The following CENPI variants were observed in gnomAD, a reference collection of about 807,000 sequenced individuals.
The protein encoded by CENPI is FSH primary response 1.
Under a neutral mutation model 60.4 loss-of-function variants are expected in CENPI, and 4 were observed. The observed-to-expected ratio is 0.07, with a 90% CI of 0.03 to 0.15. The LOEUF is 0.15. CENPI is among the 10% of genes least tolerant of loss of function. The pLI, the probability that CENPI is intolerant of heterozygous loss-of-function variation, is 1.00. For synonymous variants in CENPI, 157 were observed against 189.4 expected (o/e 0.83, Z 1.40); for missense variants, 444 against 534.5 (o/e 0.83, Z 1.67).
intron 20 of CENPI, among the ~76,000 whole-genome samples, chrX:101,148,540 C>G (rs1440300583): frequency 8.9e-6 from 1 of 111,932 alleles, no homozygotes; most frequent in Non-Finnish European, 1.9e-5. Context: ...TCCTTCTAGA[C>G]AAGATAGAAT....
intron 4 of CENPI, 83 bp downstream of exon 4, chrX:101,102,494 T>TACACACACACAC (rs199833748): frequency 2.3e-5 from 7 of 298,599 alleles, no homozygotes; most frequent in African/African-American, 2.2e-4. Flanking sequence ...CTTATATATA[T>TACACACACACAC]ATACACACAC....
chrX:101,129,384 A>G (rs1267001682), intron 12 of CENPI, among the ~76,000 whole-genome samples: 1 of 109,102 alleles, frequency 9.2e-6, no homozygotes. Flanking sequence ...CATTCCTCCA[A>G]TGGTGGGGGT....
intron 5 of CENPI, 85 bp downstream of exon 5, chrX:101,109,676 T>C (rs2089530971): frequency 2.9e-6 from 2 of 698,441 alleles, no homozygotes; most frequent in Non-Finnish European, 4.5e-6. Context: ...AGTAATGGCA[T>C]TGGCCTTTTG....
chrX:101,150,480 C>T (rs1487666086), intron 20 of CENPI, among the ~76,000 whole-genome samples: 1 of 109,895 alleles, frequency 9.1e-6, no homozygotes, highest in Non-Finnish European at 1.9e-5. Flanking sequence ...AAGTGATCCT[C>T]CCATCTCTGC....
downstream of CENPI, among the ~76,000 whole-genome samples, chrX:101,170,818 GAC>G (rs2090155176): frequency 9.1e-6 from 1 of 110,402 alleles, no homozygotes; most frequent in African/African-American, 3.3e-5. Flanking sequence ...TTTTTGTAGA[GAC>G]AGGGTTTTGC....
intron 4 of CENPI, among the ~76,000 whole-genome samples, chrX:101,105,783 T>C (rs1234436541): frequency 9.0e-6 from 1 of 111,685 alleles, no homozygotes; most frequent in African/African-American, 3.3e-5. Context: ...TATCTTGATG[T>C]CTGCTAGGAC....
At chrX:101,159,057 G>C (rs1031793768) in intron 20 of CENPI, among the ~76,000 whole-genome samples, 3 of 111,950 alleles carry the variant, frequency 2.7e-5, no homozygotes, top group Non-Finnish European at 5.6e-5. Context: ...TGATTTGTAT[G>C]AAAGGGGTAG....
intron 6 of CENPI, among the ~76,000 whole-genome samples, chrX:101,114,221 C>T (rs972844172): frequency 1.8e-5 from 2 of 112,253 alleles, no homozygotes; most frequent in African/African-American, 6.5e-5. Context: ...TGCGCCACTG[C>T]ACTTTCCAGC....
At chrX:101,126,934 G>GT (rs139431599) in intron 9 of CENPI, 136 bp downstream of exon 9, 44,495 of 631,846 alleles carry the variant, frequency 0.07, 1,127 homozygotes, top group Middle Eastern at 0.12. Context: ...TTTTGGGAAA[G>GT]TTTTTTTTTA....
intron 15 of CENPI, among the ~76,000 whole-genome samples, chrX:101,139,925 C>T (rs1402644306): frequency 5.5e-5 from 6 of 108,194 alleles, no homozygotes; most frequent in African/African-American, 1.7e-4. Context: ...AGCTCCTTCT[C>T]CTGGGTTCAC....
At chrX:101,104,914 A>G (rs1451524556) in intron 4 of CENPI, among the ~76,000 whole-genome samples, 2 of 110,783 alleles carry the variant, frequency 1.8e-5, no homozygotes, top group Non-Finnish European at 3.8e-5. Context: ...TATACTAAGT[A>G]TTTCCTGGCT....
At chrX:101,145,916 T>C (rs960283033) in intron 17 of CENPI, among the ~76,000 whole-genome samples, 7 of 109,565 alleles carry the variant, frequency 6.4e-5, no homozygotes, top group Non-Finnish European at 9.5e-5. Context: ...TTAAGACCTT[T>C]CCCCCCAAAA....
At chrX:101,146,094 C>T in intron 17 of CENPI, 59 bp from the exon 18 acceptor site, 1 of 1,075,945 alleles carries the variant, frequency 9.3e-7, no homozygotes, top group East Asian at 3.1e-5. Context: ...TTTGGGTGAA[C>T]TTAGTTGAGG....
chrX:101,135,911 C>T (rs984668299), intron 15 of CENPI, among the ~76,000 whole-genome samples: 5 of 111,385 alleles, frequency 4.5e-5, no homozygotes, highest in Admixed American at 1.9e-4. Context: ...TTAGTAGAGA[C>T]GGGGTTTCAC....
Position 101,120,332 on chromosome X carries a change from A to T in CENPI, c.592-70A>T, listed in dbSNP as rs904156422. On this transcript the variant is annotated intron_variant, in intron 6 of 21. Coordinates refer to ENST00000682095, the MANE Select transcript of CENPI (RefSeq NM_001386188.2). ...TTAATCAGCGTAAGATTGACATTTG[A>T]GGAAAATGTGTTGCCCCTCTGTTCA... 4.2e-5 allele frequency: 21 copies of T among 503,311 alleles called. No individual in the cohort carries two copies. The African/African-American group carries it at 4.5e-4, about 11-fold the overall frequency. The allele number at this position is 503,311 out of a possible 1,213,427, so 41.5% of individuals were successfully genotyped here.
intron 18 of CENPI, among the ~76,000 whole-genome samples, chrX:101,146,967 C>T (rs2089967573): frequency 9.0e-6 from 1 of 111,460 alleles, no homozygotes; most frequent in African/African-American, 3.3e-5. Flanking sequence ...AACTCCTGAC[C>T]TCAGGTAATC....
the CENPI span, among the ~76,000 whole-genome samples, chrX:101,177,062 A>G: frequency 1.8e-5 from 2 of 110,884 alleles, no homozygotes; most frequent in South Asian, 7.8e-4. Context: ...AGCGTGGTGT[A>G]TGTTGACACC....
At chrX:101,130,198 C>A in intron 13 of CENPI, 125 bp downstream of exon 13, 2 of 443,748 alleles carry the variant, frequency 4.5e-6, no homozygotes, top group East Asian at 4.2e-5. Context: ...ACTTTGGAGG[C>A]CAAGGCGGGT....
intron 15 of CENPI, among the ~76,000 whole-genome samples, chrX:101,137,599 T>C (rs1357408600): frequency 4.5e-5 from 5 of 111,407 alleles, no homozygotes; most frequent in African/African-American, 1.6e-4. Flanking sequence ...GGAAAAAACA[T>C]TGATAGAATA....
Sources: gnomAD v4.1 joint callset for allele counts (sites outside exome capture counted in the v4.1 genomes callset) on GRCh38, gnomAD v4.1.1 for gene constraint, MANE v1.5 for transcripts, NCBI Gene and HGNC (gene_info 2026-07-23, HGNC 2026-07-21) for gene names.